Variants in GGA1 observed in about 807,000 individuals in gnomAD.
The protein encoded by GGA1 is ADP-ribosylation factor-binding protein GGA1.
Under a neutral mutation model 76.9 loss-of-function variants are expected in GGA1, and 18 were observed. The ratio of observed to expected loss-of-function variants is 0.23; its 90% CI spans 0.16 to 0.35. The LOEUF is 0.35. GGA1 is among the 10% of genes least tolerant of loss of function. GGA1 has a pLI of 1.00. For synonymous variants in GGA1, 342 were observed against 354.7 expected (o/e 0.96, Z 0.40); for missense variants, 755 against 859.0 (o/e 0.88, Z 1.51).
chr22:37,611,413 A>G (rs576974789), intron 1 of GGA1, among the ~76,000 whole-genome samples: 2 of 152,238 alleles, frequency 1.3e-5, no homozygotes, highest in East Asian at 1.9e-4. Flanking sequence ...TCTCCTTGCT[A>G]TGCTTTGCTC....
intron 2 of GGA1, among the ~76,000 whole-genome samples, chr22:37,615,939 C>T (rs1928706253): frequency 6.6e-6 from 1 of 151,574 alleles, no homozygotes; most frequent in Admixed American, 6.6e-5. Flanking sequence ...CTCCCAGGTT[C>T]ACGCGGTTCT....
intron 2 of GGA1, 62 bp downstream of exon 2, chr22:37,614,336 C>A: frequency 8.4e-7 from 1 of 1,185,076 alleles, no homozygotes; most frequent in Non-Finnish European, 1.3e-6. Context: ...GTCTCGGGTA[C>A]AATGGCCTGG....
chr22:37,630,986 C>T lies in GGA1; in HGVS notation c.1415C>T (p.Ala472Val). ...SSSCSSPSSS[A>V]TSLLHTVSPE... is the part of the protein sequence containing the mutation. ...AGCTGCAGCTCCCCCAGCTCCAGCG[C>T]CACCAGCCTTCTCCACACCGTGTCC... The change falls in exon 14 of 17, where the codon GCC (alanine) becomes GTC (valine). Residue 472 changes from alanine (A) to valine (V), a missense_variant. Physicochemically the swap from Ala to Val is moderately conservative, Grantham distance 64. Coordinates refer to ENST00000343632, the MANE Select transcript of GGA1 (RefSeq NM_013365.5). The T allele has an allele frequency of 1.2e-6, 2 of 1,613,558 alleles. No homozygotes were observed. Among genetic ancestry groups the T allele is most frequent in the Non-Finnish European group, 1.7e-6 (2 of 1,179,768 alleles).
intron 4 of GGA1, 84 bp downstream of exon 4, chr22:37,618,630 TC>T: frequency 2.5e-6 from 2 of 810,692 alleles, no homozygotes; most frequent in Non-Finnish European, 4.2e-6. Flanking sequence ...GAGCGACTTT[TC>T]CAGGGAGCCT....
rs1044118981 is a variant in GGA1, at chr22:37,624,794, G to C, written c.833-175G>C. ...GGAGTGAATGAGGGAAGGGTGGGAG[G>C]TGAGACCAGGGAGGTGGCGGAGGGC... is the stretch of plus-strand genomic sequence containing the variant. On this transcript the variant is annotated intron_variant, in intron 9 of 16. Coordinates refer to ENST00000343632, the MANE Select transcript of GGA1 (RefSeq NM_013365.5). The surrounding 1 kb of genome is among the most constrained non-coding windows in gnomAD (Gnocchi z 4.3). The C allele has an allele frequency of 1.2e-6, 1 of 816,094 alleles. No individual in the cohort carries two copies. Among genetic ancestry groups the C allele is most frequent in the African/African-American group, 1.7e-5 (1 of 58,334 alleles). The allele number at this position is 816,094 out of a possible 1,614,324, so 50.6% of individuals were successfully genotyped here.
At position 37,625,789 on chromosome 22, in the gene GGA1, C is replaced by T. The variant is rs200330260; in HGVS notation, c.941-8C>T. Reference sequence around the variant, plus strand: ...CAGGACTTGCCAGCCTCTTCTTTCCCACCCCAGGGAGCACCTCGGCCCTGC... The same window carrying T: ...CAGGACTTGCCAGCCTCTTCTTTCCTACCCCAGGGAGCACCTCGGCCCTGC... On this transcript the variant is annotated splice_polypyrimidine_tract_variant and splice_region_variant and intron_variant, in intron 10 of 16. Coordinates refer to ENST00000343632, the MANE Select transcript of GGA1 (RefSeq NM_013365.5). The surrounding 1 kb of genome is among the most constrained non-coding windows in gnomAD (Gnocchi z 4.1). 22 of 1,543,332 alleles carry T rather than the reference C, an allele frequency of 1.4e-5. No homozygotes were observed. In the Admixed American group the frequency reaches 3.2e-4, roughly 23 times the overall value.
Position 37,620,911 on chromosome 22 carries a change from A to C in GGA1, c.526A>C (p.Lys176Gln). 1 of 1,588,006 alleles carries C rather than the reference A, an allele frequency of 6.3e-7. No homozygotes were observed. Among genetic ancestry groups the C allele is most frequent in the East Asian group, 2.2e-5 (1 of 44,786 alleles). ...GATCTTTGAAGATGAGGAGAAATCC[A>C]AGGTGAGACTCCAAGGAGGCACATA... The part of the protein sequence containing the change: ...NVIFEDEEKS[K>Q]MLARLLKSSH... The change falls in exon 6 of 17, where the codon AAG becomes CAG. Residue 176 changes from lysine to glutamine, a missense_variant and splice_region_variant. Transcript: ENST00000343632.
intron 1 of GGA1, chr22:37,609,216 T>G: frequency 1.6e-6 from 2 of 1,255,522 alleles, no homozygotes; most frequent in Non-Finnish European, 2.0e-6. Flanking sequence ...AGGCTCACAT[T>G]GCTTCACGGA....
intron 13 of GGA1, chr22:37,630,618 G>A (rs768349049): frequency 4.0e-6 from 2 of 500,360 alleles, no homozygotes; most frequent in East Asian, 7.9e-5. Flanking sequence ...CCAGGCTGGA[G>A]TACAGTGGCA....
In GGA1 at chr22:37,619,865, A is replaced by G; in HGVS notation, c.304-373A>G. The G allele has an allele frequency of 3.9e-6, 3 of 766,272 alleles. No individual in the cohort carries two copies. In the Admixed American group the frequency reaches 5.3e-5, roughly 14 times the overall value. The allele number at this position is 766,272 out of a possible 1,614,324, so 47.5% of individuals were successfully genotyped here. A position where few individuals can be genotyped will look rare whatever the true frequency, so the allele number is the denominator to read the frequency against. Reference sequence around the variant, plus strand: ...CTGCTAGGAGACGGAGAGTAGGCCCAGGGCCTCCCAGTTCCACCCTCACCC... The same window carrying G: ...CTGCTAGGAGACGGAGAGTAGGCCCGGGGCCTCCCAGTTCCACCCTCACCC... On this transcript the variant is annotated intron_variant, in intron 4 of 16. Coordinates refer to ENST00000343632, the MANE Select transcript of GGA1 (RefSeq NM_013365.5).
rs1319661397 is a variant in GGA1, at chr22:37,633,382, GC to G, written c.*675del. The G allele has an allele frequency of 6.6e-6, 1 of 151,662 alleles. No homozygotes were observed. Among genetic ancestry groups the G allele is most frequent in the African/African-American group, 2.4e-5 (1 of 41,252 alleles). 9.4% of individuals were successfully genotyped at this position (151,662 alleles called of 1,614,324 possible). ...TCAAGGGTAATGCCAGAGGCCCATG[GC>G]CCCAGCGAGGGGCTGTGGGGCACCT... On this transcript the variant is annotated 3_prime_UTR_variant, in exon 17 of 17. Coordinates refer to ENST00000343632, the MANE Select transcript of GGA1 (RefSeq NM_013365.5).
In GGA1 at chr22:37,632,378, T is replaced by A. The variant is rs1287319297; in HGVS notation, c.1699-27T>A. ...AGCAGGACAAGCAGCCAGGGCTAGC[T>A]GTGCCCATCCTGCCATCTGCCCACA... On this transcript the variant is annotated intron_variant, in intron 15 of 16. Coordinates refer to ENST00000343632, the MANE Select transcript of GGA1 (RefSeq NM_013365.5). This position sits in a 1 kb window ranked among gnomAD's most constrained non-coding sequence, Gnocchi z 5.1. 1 of 1,507,178 alleles carries A rather than the reference T, an allele frequency of 6.6e-7. No individual in the cohort carries two copies. The highest frequency in any genetic ancestry group is 1.7e-5 in the Admixed American group (1 of 59,896). 93.4% of individuals were successfully genotyped at this position (1,507,178 alleles called of 1,614,324 possible). A position where few individuals can be genotyped will look rare whatever the true frequency, so the allele number is the denominator to read the frequency against.
chr22:37,623,781 T>C lies in GGA1; in HGVS notation c.832+148T>C. 1.6e-6 allele frequency: 1 copy of C among 621,750 alleles called. No homozygotes were observed. Among genetic ancestry groups the C allele is most frequent in the Non-Finnish European group, 2.9e-6 (1 of 344,634 alleles). 38.5% of individuals were successfully genotyped at this position (621,750 alleles called of 1,614,324 possible). ...TCCAGCACCGACCTTGGGTTTCTCCTCTCTGAGGACACAGAGCAGGGGCCG... is the reference window on the plus strand; with the variant it reads ...TCCAGCACCGACCTTGGGTTTCTCCCCTCTGAGGACACAGAGCAGGGGCCG... On this transcript the variant is annotated intron_variant, in intron 9 of 16. Transcript: ENST00000343632. The surrounding 1 kb of genome is among the most constrained non-coding windows in gnomAD (Gnocchi z 4.6).
At chr22:37,631,924 G>T in intron 14 of GGA1, 72 bp from the exon 15 acceptor site, 3 of 1,379,412 alleles carry the variant, frequency 2.2e-6, no homozygotes, top group South Asian at 1.3e-5. Flanking sequence ...GAGGCCAGCC[G>T]GGTGGGGGCT....
chr22:37,626,983 G>A (rs1022027907), intron 11 of GGA1: 12 of 152,366 alleles, frequency 7.9e-5, no homozygotes, highest in African/African-American at 1.9e-4. Context: ...CCAACATGGC[G>A]AAACCCCATG....
At chr22:37,614,133 G>C (rs1928293246) in intron 1 of GGA1, 57 bp from the exon 2 acceptor site, 2 of 1,182,942 alleles carry the variant, frequency 1.7e-6, no homozygotes, top group Admixed American at 3.4e-5. Context: ...AGGGTCAGGA[G>C]TGGAAGAGCA....
In GGA1 at chr22:37,623,833, C is replaced by A. The variant is rs948559167; in HGVS notation, c.832+200C>A. ...CCCCCTGTTGAGAGGCCCTGTGGGCCAGCCCCCTTAACAGGCATCTTATTT... is the reference window on the plus strand; with the variant it reads ...CCCCCTGTTGAGAGGCCCTGTGGGCAAGCCCCCTTAACAGGCATCTTATTT... On this transcript the variant is annotated intron_variant, in intron 9 of 16. Coordinates refer to ENST00000343632, the MANE Select transcript of GGA1 (RefSeq NM_013365.5). The surrounding 1 kb of genome is among the most constrained non-coding windows in gnomAD (Gnocchi z 4.6). 1.1e-5 allele frequency: 6 copies of A among 570,534 alleles called. No homozygotes were observed. Among genetic ancestry groups the A allele is most frequent in the Non-Finnish European group, 1.9e-5 (6 of 316,110 alleles). 35.3% of individuals were successfully genotyped at this position (570,534 alleles called of 1,614,324 possible).
At position 37,623,663 on chromosome 22, in the gene GGA1, TC is replaced by T. The variant is rs760354753; in HGVS notation, c.832+37del. ...GCCCAGGGCAGGTGCTGAGGTCAGG[TC>T]CCCCCCTCTCCCTCCACCTCCTGCC... On this transcript the variant is annotated intron_variant, in intron 9 of 16. Coordinates refer to ENST00000343632, the MANE Select transcript of GGA1 (RefSeq NM_013365.5). The surrounding 1 kb of genome is among the most constrained non-coding windows in gnomAD (Gnocchi z 4.6). 22 of 1,392,816 alleles carry T rather than the reference TC, an allele frequency of 1.6e-5. No individual in the cohort carries two copies. Among genetic ancestry groups the T allele is most frequent in the African/African-American group, 7.1e-5 (5 of 70,080 alleles). The allele number at this position is 1,392,816 out of a possible 1,614,324, so 86.3% of individuals were successfully genotyped here.
At chr22:37,617,020 TC>T in intron 3 of GGA1, 23 bp downstream of exon 3, 2 of 1,583,530 alleles carry the variant, frequency 1.3e-6, no homozygotes, top group Non-Finnish European at 1.7e-6. Context: ...GAGGCCACCA[TC>T]CGTCCCCCGC....
Sources: gnomAD v4.1 joint callset for allele counts (sites outside exome capture counted in the v4.1 genomes callset) on GRCh38, gnomAD v4.1.1 for gene constraint, Gnocchi (gnomAD v3.1) non-coding constraint, MANE v1.5 for transcripts, NCBI Gene and HGNC (gene_info 2026-07-23, HGNC 2026-07-21) for gene names.